ARB2A: variants seen among roughly 807,000 people sequenced by gnomAD.
ARB2A encodes the protein ARB2 cotranscriptional regulator A.
chr5:93,868,464 G>C, the ARB2A span, among the ~76,000 whole-genome samples: 2 of 152,198 alleles, frequency 1.3e-5, no homozygotes, highest in African/African-American at 4.8e-5. Context: ...GTGTGCATGC[G>C]TGAGTACTGA....
the ARB2A span, chr5:93,743,619 G>T: frequency 6.0e-6 from 5 of 837,844 alleles, no homozygotes; most frequent in African/African-American, 1.9e-5. Flanking sequence ...ATAAAGAAGA[G>T]AAAGCAATAT....
the ARB2A span, among the ~76,000 whole-genome samples, chr5:93,820,818 A>G: frequency 6.6e-6 from 1 of 152,164 alleles, no homozygotes; most frequent in Admixed American, 6.5e-5. Context: ...TCTTATCAAA[A>G]TTTATTTTTA....
At chr5:93,983,758 A>G in the ARB2A span, among the ~76,000 whole-genome samples, 3 of 152,360 alleles carry the variant, frequency 2.0e-5, no homozygotes, top group East Asian at 1.9e-4. Flanking sequence ...CACGCTCTTG[A>G]TATCATGCTT....
the ARB2A span, among the ~76,000 whole-genome samples, chr5:93,974,585 CT>C: frequency 6.6e-6 from 1 of 152,052 alleles, no homozygotes; most frequent in Non-Finnish European, 1.5e-5. Context: ...AAATTTGACA[CT>C]TAATTAATTG....
chr5:93,683,323 A>G, the ARB2A span: 1 of 1,602,796 alleles, frequency 6.2e-7, no homozygotes, highest in Non-Finnish European at 8.5e-7. Context: ...AGAGTTTCAC[A>G]TCCTCCTCCT....
the ARB2A span, among the ~76,000 whole-genome samples, chr5:93,872,706 A>G: frequency 6.6e-6 from 1 of 151,860 alleles, no homozygotes; most frequent in African/African-American, 2.4e-5. Flanking sequence ...TCACAAGGTC[A>G]TGAGATCGAG....
the ARB2A span, among the ~76,000 whole-genome samples, chr5:93,938,102 G>A: frequency 6.6e-6 from 1 of 152,062 alleles, no homozygotes; most frequent in Non-Finnish European, 1.5e-5. Context: ...ATACAGATTT[G>A]AGCATCACAA....
At chr5:93,865,471 CG>C in the ARB2A span, 232 of 985,144 alleles carry the variant, frequency 2.4e-4, no homozygotes, top group African/African-American at 3.8e-3. Context: ...GGTACATAAT[CG>C]ATGAAGGTAT....
At chr5:93,856,364 T>C in the ARB2A span, among the ~76,000 whole-genome samples, 1 of 152,226 alleles carries the variant, frequency 6.6e-6, no homozygotes, top group Non-Finnish European at 1.5e-5. Flanking sequence ...CTGGATAATA[T>C]CCTGCAGAGT....
chr5:94,096,410 T>A, the ARB2A span, among the ~76,000 whole-genome samples: 5 of 152,352 alleles, frequency 3.3e-5, no homozygotes, highest in South Asian at 1.0e-3. Flanking sequence ...TCTCCTGAGC[T>A]ACAAGTATCT....
the ARB2A span, among the ~76,000 whole-genome samples, chr5:93,694,530 A>C: frequency 1.3e-5 from 2 of 152,214 alleles, no homozygotes; most frequent in African/African-American, 4.8e-5. Context: ...TGCTCAAGGA[A>C]ATAGGAGAGG....
At chr5:93,981,926 A>G in the ARB2A span, among the ~76,000 whole-genome samples, 1 of 152,078 alleles carries the variant, frequency 6.6e-6, no homozygotes, top group Non-Finnish European at 1.5e-5. Context: ...TGCAGAGTAC[A>G]CCACCCCCAC....
the ARB2A span, among the ~76,000 whole-genome samples, chr5:93,904,135 T>C: frequency 6.6e-6 from 1 of 151,900 alleles, no homozygotes; most frequent in Non-Finnish European, 1.5e-5. Context: ...CTGTATAGAC[T>C]AAAGGGAATA....
the ARB2A span, among the ~76,000 whole-genome samples, chr5:93,689,409 G>T: frequency 1.3e-5 from 2 of 152,136 alleles, no homozygotes; most frequent in African/African-American, 2.4e-5. Flanking sequence ...ATAAAAAACT[G>T]GCATTAAAAG....
the ARB2A span, among the ~76,000 whole-genome samples, chr5:94,104,142 A>G: frequency 2.6e-5 from 4 of 151,726 alleles, no homozygotes; most frequent in Non-Finnish European, 5.9e-5. Context: ...TAGCAGAAGA[A>G]AAAACCAAAA....
At chr5:93,752,667 T>G in the ARB2A span, among the ~76,000 whole-genome samples, 2 of 152,130 alleles carry the variant, frequency 1.3e-5, no homozygotes, top group African/African-American at 2.4e-5. Flanking sequence ...CCTGATGAAA[T>G]ATATATACTC....
chr5:93,940,889 C>A, the ARB2A span, among the ~76,000 whole-genome samples: 1 of 151,940 alleles, frequency 6.6e-6, no homozygotes, highest in East Asian at 1.9e-4. Flanking sequence ...CAGTTCTTCT[C>A]AAATTAAAGA....
At chr5:93,658,525 A>G in the ARB2A span, among the ~76,000 whole-genome samples, 2 of 152,060 alleles carry the variant, frequency 1.3e-5, no homozygotes, top group African/African-American at 4.8e-5. Context: ...TATGAGCTGC[A>G]GATTATGGTA....
chr5:93,958,269 A>G, the ARB2A span, among the ~76,000 whole-genome samples: 2 of 152,018 alleles, frequency 1.3e-5, no homozygotes, highest in Non-Finnish European at 2.9e-5. Context: ...GGCTCTAAAA[A>G]ACATTTTAAA....
Sources: gnomAD v4.1 joint callset for allele counts (sites outside exome capture counted in the v4.1 genomes callset) on GRCh38, gnomAD v4.1.1 for gene constraint, MANE v1.5 for transcripts, NCBI Gene and HGNC (gene_info 2026-07-23, HGNC 2026-07-21) for gene names.